RELN: variants seen among roughly 807,000 people sequenced by gnomAD.
RELN encodes reelin.
A neutral mutation model predicts 427.6 loss-of-function variants in RELN; 108 were observed. The observed-to-expected ratio is 0.25, with a 90% CI of 0.22 to 0.30. The LOEUF is 0.30. Ranked by LOEUF, RELN falls within the 10% of genes least tolerant of loss-of-function variation. The probability of loss-of-function intolerance (pLI) is 1.00; values close to 1 mark genes in which losing one functional copy is unlikely to be tolerated. For missense variants in RELN, 3,715 were observed against 4,302.8 expected (o/e 0.86, Z 3.82); for synonymous variants, 1,524 against 1,513.4 (o/e 1.01, Z -0.16).
intron 13 of RELN, among the ~76,000 whole-genome samples, chr7:103,653,325 A>C (rs1165941079): frequency 6.6e-6 from 1 of 152,040 alleles, no homozygotes; most frequent in Non-Finnish European, 1.5e-5. Flanking sequence ...CAAATGGTAT[A>C]ACTTGGGTTA....
chr7:103,819,001 T>C (rs1166201131), intron 3 of RELN, among the ~76,000 whole-genome samples: 1 of 152,010 alleles, frequency 6.6e-6, no homozygotes, highest in Non-Finnish European at 1.5e-5. Context: ...CACACATATA[T>C]CTAGAGAAAT....
rs570760639 is a variant in RELN, at chr7:103,889,627, C to T, written c.337+27448G>A. ...GATACTACATCTTCTCCAGCATTAT[C>T]TTATTCTTTCCACCTGACAGATTGA... On this transcript the variant is annotated intron_variant, in intron 2 of 64. Transcript: ENST00000428762. 5.9e-5 allele frequency among the ~76,000 whole-genome samples: 9 copies of T among 152,200 alleles called. No individual in the cohort carries two copies. The South Asian group carries it at 1.9e-3, about 32-fold the overall frequency.
rs1296426743 is a variant in RELN at position 103,596,445 on chromosome 7, T to C, written c.3539+11A>G. ...GGAAACTAATGCGAGGACCATCAGG[T>C]GGGTAGTTACCTGGGTTTGCTGAAG... On this transcript the variant is annotated intron_variant, in intron 25 of 64. Coordinates refer to ENST00000428762, the MANE Select transcript of RELN (RefSeq NM_005045.4). 6.2e-7 allele frequency: 1 copy of C among 1,607,214 alleles called. No homozygotes were observed. The highest frequency in any genetic ancestry group is 1.1e-5 in the South Asian group (1 of 90,926).
At chr7:103,549,021 A>C (rs916912194) in intron 41 of RELN, among the ~76,000 whole-genome samples, 4 of 151,972 alleles carry the variant, frequency 2.6e-5, no homozygotes, top group African/African-American at 9.7e-5. Context: ...TTCGTTTTCT[A>C]TTTAATTCTT....
chr7:103,737,007 G>C (rs776349910), intron 6 of RELN, among the ~76,000 whole-genome samples: 3 of 152,186 alleles, frequency 2.0e-5, no homozygotes, highest in Admixed American at 6.5e-5. Flanking sequence ...AAAAGTAAGA[G>C]AGAGCAGAAA....
At chr7:103,510,681 C>A (rs142731730) in intron 51 of RELN, among the ~76,000 whole-genome samples, 170 bp downstream of exon 51, 1 of 152,088 alleles carries the variant, frequency 6.6e-6, no homozygotes, top group East Asian at 1.9e-4. Flanking sequence ...AAATAAAATA[C>A]TTTTAATCAT....
At chr7:103,760,370 A>T (rs1454129990) in intron 4 of RELN, among the ~76,000 whole-genome samples, 4 of 152,140 alleles carry the variant, frequency 2.6e-5, no homozygotes, top group Non-Finnish European at 5.9e-5. Context: ...AGAAAGAATG[A>T]GGTCGTGTTT....
chr7:103,685,802 G>T (rs1374709480), intron 10 of RELN, among the ~76,000 whole-genome samples: 1 of 151,984 alleles, frequency 6.6e-6, no homozygotes, highest in African/African-American at 2.4e-5. Flanking sequence ...TACTTGAGAA[G>T]CAGAACACAG....
In RELN at chr7:103,701,244, G is replaced by A. The variant is rs10237247; in HGVS notation, c.806-238C>T. 0.21 allele frequency among the ~76,000 whole-genome samples: 31,815 copies of A among 151,952 alleles called. 4,064 individuals carry two copies. Among genetic ancestry groups the A allele is most frequent in the African/African-American group, 0.35 (14,662 of 41,446 alleles). On this transcript the variant is annotated intron_variant, in intron 8 of 64. Transcript: ENST00000428762. ...ATATAAATTGCAGATTTCTTTAGAGGTACATGAACTACTAAATTAAATTGT... is the reference window on the plus strand; with the variant it reads ...ATATAAATTGCAGATTTCTTTAGAGATACATGAACTACTAAATTAAATTGT...
chr7:103,919,155 T>TTTTAGA (rs1554442229), intron 1 of RELN, among the ~76,000 whole-genome samples: 4 of 145,060 alleles, frequency 2.8e-5, no homozygotes, highest in South Asian at 2.2e-4. Flanking sequence ...TTTTTTTTTT[T>TTTTAGA]TAGAAAGAGG....
chr7:103,593,910 A>C, intron 26 of RELN, 28 bp from the exon 27 acceptor site: 1 of 1,542,934 alleles, frequency 6.5e-7, no homozygotes, highest in Non-Finnish European at 9.0e-7. Context: ...AATAAAACAA[A>C]AGGCAATTTG....
intron 6 of RELN, among the ~76,000 whole-genome samples, chr7:103,749,202 C>A (rs1213932363): frequency 1.3e-5 from 2 of 151,900 alleles, no homozygotes; most frequent in Non-Finnish European, 1.5e-5. Flanking sequence ...AAAAATCTAA[C>A]CACACTCATG....
intron 12 of RELN, among the ~76,000 whole-genome samples, chr7:103,658,143 C>G (rs969966772): frequency 5.3e-5 from 8 of 152,172 alleles, no homozygotes; most frequent in Non-Finnish European, 1.2e-4. Context: ...AAGAACAGTG[C>G]TCTGTACTGG....
chr7:103,481,464 C>G (rs2116971442), intron 63 of RELN, among the ~76,000 whole-genome samples: 1 of 152,256 alleles, frequency 6.6e-6, no homozygotes, highest in South Asian at 2.1e-4. Flanking sequence ...TGGTTATTGA[C>G]TCTCATTTTA....
chr7:103,595,804 T>C (rs889625066), intron 25 of RELN, among the ~76,000 whole-genome samples: 2 of 152,036 alleles, frequency 1.3e-5, no homozygotes, highest in Non-Finnish European at 2.9e-5. Flanking sequence ...AATACAGAAT[T>C]TCAAAATACT....
rs771457285 is a variant in RELN at position 103,636,412 on chromosome 7, A to G, written c.2126T>C (p.Met709Thr). 12 of 1,614,048 alleles carry G rather than the reference A, an allele frequency of 7.4e-6. No homozygotes were observed. In the South Asian group the frequency reaches 1.3e-4, roughly 18 times the overall value. The stretch of plus-strand genomic sequence containing the variant: ...ACTGCCAAAGCTTTCAGAAATAAAC[A>G]TTGGGAATGTCTGGGATGCCATCTC... ...ACEMASQTFPMFISESFGSSR... is the reference protein window; with the variant it reads ...ACEMASQTFPTFISESFGSSR... The change falls in exon 18 of 65, where the codon ATG becomes ACG. Residue 709 changes from methionine (M) to threonine (T), a missense_variant. Around this residue, in one of 4 missense-constraint regions of RELN, gnomAD observed 2,208 missense variants for 2,361.7 expected, o/e 0.93. Transcript: ENST00000428762.
intron 18 of RELN, 87 bp from the exon 19 acceptor site, chr7:103,635,673 G>T: frequency 9.0e-7 from 1 of 1,110,712 alleles, no homozygotes; most frequent in Non-Finnish European, 1.4e-6. Flanking sequence ...TTCAAATTAT[G>T]TTTCTACTCA....
At chr7:103,501,392 A>ACAAT (rs1191003136) in intron 52 of RELN, among the ~76,000 whole-genome samples, 2 of 152,226 alleles carry the variant, frequency 1.3e-5, no homozygotes, top group Non-Finnish European at 2.9e-5. Flanking sequence ...TTCCCTGAAG[A>ACAAT]CAATCAATAT....
intron 3 of RELN, among the ~76,000 whole-genome samples, chr7:103,816,971 C>G (rs1261193241): frequency 6.6e-6 from 1 of 152,104 alleles, no homozygotes; most frequent in Non-Finnish European, 1.5e-5. Context: ...CCTGCCCCAG[C>G]CTCCCAAGTA....
Sources: allele counts gnomAD v4.1 joint callset (sites outside exome capture counted in the v4.1 genomes callset), GRCh38; gene constraint gnomAD v4.1.1; regional missense constraint gnomAD v4.1.1; transcripts MANE v1.5; gene names NCBI Gene and HGNC (gene_info 2026-07-23, HGNC 2026-07-21).